The following DENND1A variants were observed in gnomAD, a reference collection of about 807,000 sequenced individuals.
DENND1A encodes DENN domain containing 1A, also known as DENN domain-containing protein 1A.
DENND1A carries 51 observed loss-of-function variants against 113.7 expected under a neutral mutation model. The observed-to-expected ratio is 0.45, with a 90% CI of 0.36 to 0.57. The LOEUF (loss-of-function observed/expected upper bound fraction) is 0.57. Among genes scored for constraint, DENND1A ranks in the 20% least tolerant of loss-of-function variants. DENND1A has a pLI of 0.00. For synonymous variants in DENND1A, 565 were observed against 570.8 expected (o/e 0.99, Z 0.14); for missense variants, 1,258 against 1,395.9 (o/e 0.90, Z 1.57).
At chr9:123,806,811 A>C (rs962698578) in intron 2 of DENND1A, among the ~76,000 whole-genome samples, 1 of 152,220 alleles carries the variant, frequency 6.6e-6, no homozygotes, top group African/African-American at 2.4e-5. Context: ...TGAAAAAAAG[A>C]AGGAATGAAG....
chr9:123,886,128 T>C (rs1053445110), intron 1 of DENND1A, among the ~76,000 whole-genome samples: 4 of 152,008 alleles, frequency 2.6e-5, no homozygotes, highest in Non-Finnish European at 4.4e-5. Context: ...AGCCATGAAA[T>C]AGACAAAGGC....
At chr9:123,895,751 C>T (rs1225577006) in intron 1 of DENND1A, among the ~76,000 whole-genome samples, 3 of 152,156 alleles carry the variant, frequency 2.0e-5, no homozygotes, top group Non-Finnish European at 2.9e-5. Context: ...TAGTCCAATG[C>T]ATGCTCCATT....
chr9:123,630,353 G>T, intron 10 of DENND1A, 23 bp downstream of exon 10: 1 of 1,552,916 alleles, frequency 6.4e-7, no homozygotes, highest in South Asian at 1.2e-5. Flanking sequence ...AGGAGAAGCA[G>T]AGGACAGGGC....
chr9:123,607,976 G>C (rs557750057), intron 11 of DENND1A, among the ~76,000 whole-genome samples: 2 of 152,098 alleles, frequency 1.3e-5, no homozygotes, highest in East Asian at 3.9e-4. Flanking sequence ...CGGTCCATTG[G>C]TAAGTATTTA....
intron 12 of DENND1A, among the ~76,000 whole-genome samples, chr9:123,566,770 T>C (rs1034797397): frequency 2.6e-5 from 4 of 152,210 alleles, no homozygotes; most frequent in Non-Finnish European, 5.9e-5. Flanking sequence ...TATCTCACCA[T>C]TTGAAACTGA....
intron 10 of DENND1A, among the ~76,000 whole-genome samples, chr9:123,620,261 A>G (rs1236857405): frequency 1.3e-5 from 2 of 151,658 alleles, no homozygotes; most frequent in Non-Finnish European, 2.9e-5. Flanking sequence ...AAAAAAAGGA[A>G]AAAAGAAATC....
At chr9:123,459,540 A>T (rs1041231177) in intron 13 of DENND1A, among the ~76,000 whole-genome samples, 1 of 142,296 alleles carries the variant, frequency 7.0e-6, no homozygotes, top group African/African-American at 2.7e-5. Context: ...ACCCTGAGTT[A>T]AAAAAAAAAA....
intron 5 of DENND1A, among the ~76,000 whole-genome samples, chr9:123,747,921 A>G (rs1165292808): frequency 6.6e-6 from 1 of 152,188 alleles, no homozygotes; most frequent in East Asian, 1.9e-4. Flanking sequence ...GAAGCTAGTA[A>G]CTATTCTTCA....
chr9:123,507,685 T>TAAAAAA (rs552077971), intron 13 of DENND1A, among the ~76,000 whole-genome samples: 1 of 136,852 alleles, frequency 7.3e-6, no homozygotes. Context: ...CCTCATCTCT[T>TAAAAAA]AAAAAAAAAA....
chr9:123,412,715 A>C (rs1298047396), intron 19 of DENND1A, among the ~76,000 whole-genome samples: 1 of 152,184 alleles, frequency 6.6e-6, no homozygotes, highest in Non-Finnish European at 1.5e-5. Flanking sequence ...TCTCGCAGGC[A>C]TGGGAGACAG....
intron 1 of DENND1A, among the ~76,000 whole-genome samples, chr9:123,894,105 G>C (rs998915529): frequency 2.0e-5 from 3 of 152,110 alleles, no homozygotes; most frequent in Non-Finnish European, 4.4e-5. Flanking sequence ...TGGGAACTTT[G>C]TTTCACTTCA....
rs1379126824 is a variant in DENND1A at position 123,383,707 on chromosome 9, TC to T, written c.1966del (p.Asp656ThrfsTer8). 6.2e-7 allele frequency: 1 copy of T among 1,614,060 alleles called. No homozygotes were observed. The highest frequency in any genetic ancestry group is 2.2e-5 in the East Asian group (1 of 44,874). On this transcript the variant is annotated frameshift_variant, in exon 23 of 24. Transcript: ENST00000394215. LOFTEE classifies it high-confidence loss of function. ...QPLGQAKSLE[D>X]LRAPKDLREQ... Reference sequence around the variant, plus strand: ...CCTCAGGTCTTTGGGGGCACGAAGGTCCTCTAAGCTCTTGGCCTGGCCCAGT... The same window carrying T: ...CCTCAGGTCTTTGGGGGCACGAAGGTCTCTAAGCTCTTGGCCTGGCCCAGT...
intron 5 of DENND1A, among the ~76,000 whole-genome samples, chr9:123,694,192 TA>T (rs1564962249): frequency 6.6e-6 from 1 of 152,090 alleles, no homozygotes; most frequent in African/African-American, 2.4e-5. Flanking sequence ...GTGAGTGAAA[TA>T]AACCAAGTCT....
Position 123,606,958 on chromosome 9 carries a change from G to C in DENND1A, c.765+2478C>G, listed in dbSNP as rs141691835. ...AGGGCTGATGCATGCAGAGGGTTGG[G>C]AATGTGGATATGTTTAGGGATCAGC... On this transcript the variant is annotated intron_variant, in intron 11 of 23. Transcript: ENST00000394215. 6.3e-3 allele frequency among the ~76,000 whole-genome samples: 962 copies of C among 152,324 alleles called. 6 individuals carry two copies. Among genetic ancestry groups the C allele is most frequent in the African/African-American group, 0.022 (923 of 41,560 alleles).
intron 3 of DENND1A, among the ~76,000 whole-genome samples, chr9:123,775,877 T>C (rs1408537958): frequency 6.6e-6 from 1 of 152,164 alleles, no homozygotes; most frequent in Non-Finnish European, 1.5e-5. Context: ...CTGAATTCGC[T>C]GCTCTCCACG....
intron 1 of DENND1A, among the ~76,000 whole-genome samples, chr9:123,899,655 A>G (rs866653135): frequency 1.3e-5 from 2 of 152,338 alleles, no homozygotes; most frequent in Middle Eastern, 3.4e-3. Flanking sequence ...ACAGAATACC[A>G]TGACTTTTAG....
chr9:123,721,198 A>C (rs1440709209), intron 5 of DENND1A, among the ~76,000 whole-genome samples: 1 of 152,208 alleles, frequency 6.6e-6, no homozygotes, highest in Non-Finnish European at 1.5e-5. Flanking sequence ...CCTTTACTTA[A>C]GATTCTCCAA....
At chr9:123,830,873 G>GAAAAAAAAAAAAAAAA (rs71390447) in intron 2 of DENND1A, among the ~76,000 whole-genome samples, 2 of 39,310 alleles carry the variant, frequency 5.1e-5, no homozygotes, top group African/African-American at 8.9e-5. Flanking sequence ...TCTCAAAAAT[G>GAAAAAAAAAAAAAAAA]AAAAAAAAAA....
intron 2 of DENND1A, among the ~76,000 whole-genome samples, chr9:123,873,185 T>G (rs1371127118): frequency 6.6e-6 from 1 of 152,210 alleles, no homozygotes; most frequent in Non-Finnish European, 1.5e-5. Flanking sequence ...GTACCTGAAA[T>G]CAAATATTAA....
Sources: gnomAD v4.1 joint callset for allele counts (sites outside exome capture counted in the v4.1 genomes callset) on GRCh38, gnomAD v4.1.1 for gene constraint, MANE v1.5 for transcripts, NCBI Gene and HGNC (gene_info 2026-07-23, HGNC 2026-07-21) for gene names.